The following DCUN1D4 variants were observed in gnomAD, a reference collection of about 807,000 sequenced individuals.
DCUN1D4 encodes the protein defective in cullin neddylation 1 domain containing 4.
DCUN1D4 carries 22 observed loss-of-function variants against 47.9 expected under a neutral mutation model. The observed-to-expected ratio is 0.46, with a 90% CI of 0.33 to 0.66. The LOEUF is 0.66. DCUN1D4 is among the 30% of genes least tolerant of loss of function. The probability of loss-of-function intolerance (pLI) is 0.02; values close to 1 mark genes in which losing one functional copy is unlikely to be tolerated. For synonymous variants in DCUN1D4, 121 were observed against 112.2 expected, an observed-to-expected ratio of 1.08 and a Z score of -0.50; for missense variants, 301 against 340.8, an observed-to-expected ratio of 0.88 and a Z score of 0.92.
intron 1 of DCUN1D4, 198 bp downstream of exon 1, chr4:51,843,465 G>A: frequency 8.0e-7 from 1 of 1,252,952 alleles, no homozygotes; most frequent in Non-Finnish European, 1.0e-6. Context: ...GGCGTGGGGG[G>A]AAGGGACCGG....
the DCUN1D4 span, among the ~76,000 whole-genome samples, chr4:51,835,082 G>A: frequency 6.6e-6 from 1 of 152,238 alleles, no homozygotes; most frequent in East Asian, 1.9e-4. Flanking sequence ...AGGAAAAAAA[G>A]CACAGCTTTC....
chr4:51,847,536 T>A (rs1722737931), intron 1 of DCUN1D4, among the ~76,000 whole-genome samples: 1 of 152,212 alleles, frequency 6.6e-6, no homozygotes, highest in Admixed American at 6.5e-5. Flanking sequence ...CCAGCCTCTC[T>A]TTCCCATACC....
chr4:51,865,198 A>G (rs1260949515), intron 3 of DCUN1D4: 2 of 204,584 alleles, frequency 9.8e-6, no homozygotes, highest in Non-Finnish European at 2.1e-5. Context: ...TGCCAAAATA[A>G]AACAGTACAG....
intron 1 of DCUN1D4, among the ~76,000 whole-genome samples, chr4:51,859,662 A>C (rs1330521678): frequency 1.3e-5 from 2 of 150,926 alleles, no homozygotes; most frequent in Non-Finnish European, 3.0e-5. Flanking sequence ...AAAAAAAAAA[A>C]AAACCCAGAC....
chr4:51,905,304 C>T, intron 8 of DCUN1D4: 1 of 436,088 alleles, frequency 2.3e-6, no homozygotes, highest in South Asian at 1.6e-5. Context: ...GGGCCCGCAT[C>T]TGCCCTTGAC....
intron 1 of DCUN1D4, among the ~76,000 whole-genome samples, chr4:51,855,757 A>G (rs1242343138): frequency 1.3e-5 from 2 of 152,222 alleles, no homozygotes; most frequent in Non-Finnish European, 2.9e-5. Flanking sequence ...CAGTGATTCA[A>G]GTAAAAGGTT....
At chr4:51,855,729 A>G (rs1724033633) in intron 1 of DCUN1D4, among the ~76,000 whole-genome samples, 2 of 152,356 alleles carry the variant, frequency 1.3e-5, no homozygotes, top group East Asian at 1.9e-4. Context: ...TTATGCTGCA[A>G]TAGCAAATAC....
At chr4:51,880,909 A>G (rs1002889281) in intron 5 of DCUN1D4, among the ~76,000 whole-genome samples, 24 of 152,148 alleles carry the variant, frequency 1.6e-4, no homozygotes, top group African/African-American at 5.8e-4. Flanking sequence ...CGGGTGGATC[A>G]TGAGATCAGG....
intron 6 of DCUN1D4, chr4:51,887,271 T>G: frequency 2.9e-6 from 1 of 339,206 alleles, no homozygotes. Flanking sequence ...TTGGCTAATG[T>G]TTTTTGTATT....
At chr4:51,908,272 C>T (rs540767499) in intron 8 of DCUN1D4, among the ~76,000 whole-genome samples, 39 of 152,218 alleles carry the variant, frequency 2.6e-4, no homozygotes, top group African/African-American at 8.9e-4. Context: ...CACAAAATTC[C>T]GTTGCTTTTT....
chr4:51,887,232 G>C (rs1310233517), intron 6 of DCUN1D4: 2 of 391,738 alleles, frequency 5.1e-6, no homozygotes, highest in Non-Finnish European at 1.0e-5. Context: ...CTCCTGAGTA[G>C]CTGGGACTAC....
intron 8 of DCUN1D4, 107 bp downstream of exon 8, chr4:51,899,485 TTA>T (rs1731773329): frequency 6.8e-7 from 1 of 1,478,944 alleles, no homozygotes; most frequent in African/African-American, 1.5e-5. Flanking sequence ...CTTGAATAAG[TTA>T]ACTCCCAGGA....
chr4:51,839,675 C>T (rs1171423552), upstream of DCUN1D4, among the ~76,000 whole-genome samples: 1 of 152,196 alleles, frequency 6.6e-6, no homozygotes, highest in East Asian at 1.9e-4. Context: ...AACTCTCTCA[C>T]TGTAATCTAA....
chr4:51,848,410 T>C, intron 1 of DCUN1D4: 1 of 1,073,048 alleles, frequency 9.3e-7, no homozygotes, highest in Non-Finnish European at 1.1e-6. Context: ...TTTTCCCTTC[T>C]TTTTGTTTTA....
intron 5 of DCUN1D4, 109 bp downstream of exon 5, chr4:51,877,963 G>T: frequency 1.5e-6 from 1 of 654,390 alleles, no homozygotes; most frequent in Non-Finnish European, 2.4e-6. Context: ...GGGTGTGTGT[G>T]TGTGTGTGTC....
In DCUN1D4 at chr4:51,874,275, T is replaced by C. The variant is rs746436010; in HGVS notation, c.141T>C (p.Ser47=). 5.6e-5 allele frequency: 90 copies of C among 1,609,520 alleles called. No homozygotes were observed. Among genetic ancestry groups the C allele is most frequent in the Non-Finnish European group, 7.0e-5 (82 of 1,178,426 alleles). The change falls in exon 4 of 11, where the codon AGT becomes AGC. Residue 47 remains serine (S), a synonymous_variant. Transcript: ENST00000334635. Reference sequence around the variant, plus strand: ...CTCTTTGAATTTGTTTTGTAGGAAGTCTGCGGTCTTGCAGTTCTTCAGACT... The same window carrying C: ...CTCTTTGAATTTGTTTTGTAGGAAGCCTGCGGTCTTGCAGTTCTTCAGACT... ...DIGQDDHQTG[S]LRSCSSSDCF...
At chr4:51,866,811 T>A (rs1440426045) in intron 3 of DCUN1D4, among the ~76,000 whole-genome samples, 3 of 152,242 alleles carry the variant, frequency 2.0e-5, no homozygotes, top group Admixed American at 6.5e-5. Context: ...AGTGGATACG[T>A]CCAATACTGG....
In DCUN1D4 at chr4:51,913,653, G is replaced by C; in HGVS notation, c.*69G>C. On this transcript the variant is annotated 3_prime_UTR_variant, in exon 11 of 11. Transcript: ENST00000334635. Reference sequence around the variant, plus strand: ...TGTCACCCATTAGCCATAAATTGCTGTTTGTATCAAAGCGCATGCTGCTTC... The same window carrying C: ...TGTCACCCATTAGCCATAAATTGCTCTTTGTATCAAAGCGCATGCTGCTTC... The C allele has an allele frequency of 7.0e-7, 1 of 1,427,212 alleles. No individual in the cohort carries two copies. Among genetic ancestry groups the C allele is most frequent in the Non-Finnish European group, 9.8e-7 (1 of 1,016,104 alleles). 88.4% of individuals were successfully genotyped at this position (1,427,212 alleles called of 1,614,324 possible).
At chr4:51,905,817 T>C (rs892560776) in intron 8 of DCUN1D4, among the ~76,000 whole-genome samples, 3 of 152,116 alleles carry the variant, frequency 2.0e-5, no homozygotes, top group Admixed American at 1.3e-4. Context: ...TGCAGTGCTG[T>C]TGTTCTCCAC....
Sources: allele counts gnomAD v4.1 joint callset (sites outside exome capture counted in the v4.1 genomes callset), GRCh38; gene constraint gnomAD v4.1.1; transcripts MANE v1.5; gene names NCBI Gene and HGNC (gene_info 2026-07-23, HGNC 2026-07-21).